COLEC11: variants seen among roughly 807,000 people sequenced by gnomAD.
The protein encoded by COLEC11 is collectin-11.
COLEC11 carries 20 observed loss-of-function variants against 27.3 expected under a neutral mutation model. The observed-to-expected ratio is 0.73, with a 90% CI of 0.51 to 1.06. The LOEUF (loss-of-function observed/expected upper bound fraction) is 1.06, where lower values mean the gene tolerates loss of function less well. Ranked by LOEUF, COLEC11 falls within the 50% of genes least tolerant of loss-of-function variation. COLEC11 has a pLI of 0.00. For missense variants in COLEC11, 310 were observed against 383.0 expected (o/e 0.81, Z 1.59); for synonymous variants, 163 against 154.7 (o/e 1.05, Z -0.40).
chr2:3,616,994 T>A lies in COLEC11; in HGVS notation c.202+3612T>A, dbSNP rs12993068. Among the ~76,000 whole-genome samples the A allele has an allele frequency of 8.1e-3, 1,238 of 152,182 alleles. 12 individuals carry two copies. The highest frequency in any genetic ancestry group is 0.058 in the Middle Eastern group (17 of 294). ...GGTCAACAGACGCGTAGGTTGTTTT[T>A]ATGTGATGGCTGTTGTGAATAATGC... On this transcript the variant is annotated intron_variant, in intron 3 of 6. Transcript: ENST00000349077.
chr2:3,621,497 CCG>C (rs1558504053), intron 3 of COLEC11, among the ~76,000 whole-genome samples: 1 of 152,082 alleles, frequency 6.6e-6, no homozygotes, highest in East Asian at 1.9e-4. Flanking sequence ...TTAAGCTACT[CCG>C]TGTCTTTTGA....
At chr2:3,604,064 T>C in intron 1 of COLEC11, 1 of 588,878 alleles carries the variant, frequency 1.7e-6, no homozygotes, top group East Asian at 2.8e-5. Flanking sequence ...GCCGTAGGCC[T>C]TCAATCAAGG....
intron 3 of COLEC11, among the ~76,000 whole-genome samples, chr2:3,637,190 G>C (rs1306645170): frequency 6.6e-6 from 1 of 152,212 alleles, no homozygotes; most frequent in African/African-American, 2.4e-5. Context: ...GCACTGCCTT[G>C]CTGGGATGGA....
chr2:3,644,186 G>T lies in COLEC11; in HGVS notation c.*68G>T. On this transcript the variant is annotated 3_prime_UTR_variant, in exon 7 of 7. Transcript: ENST00000349077. ...GCAGGGTTGGCAGGGACAGAGCCCA[G>T]ACCATGGTGCCAGCCAGGGAGCTGT... 1 of 1,587,322 alleles carries T rather than the reference G, an allele frequency of 6.3e-7. No individual in the cohort carries two copies. Among genetic ancestry groups the T allele is most frequent in the South Asian group, 1.1e-5 (1 of 90,474 alleles).
chr2:3,638,512 C>T (rs1390591847), intron 4 of COLEC11, among the ~76,000 whole-genome samples: 1 of 152,202 alleles, frequency 6.6e-6, no homozygotes, highest in Non-Finnish European at 1.5e-5. Context: ...CATTCATCTG[C>T]CTCGGAGCAG....
chr2:3,620,659 T>G (rs1288991298), intron 3 of COLEC11, among the ~76,000 whole-genome samples: 1 of 152,202 alleles, frequency 6.6e-6, no homozygotes, highest in Non-Finnish European at 1.5e-5. Context: ...AATCTTTATT[T>G]TCCCTCCATG....
intron 5 of COLEC11, chr2:3,641,134 C>A: frequency 9.9e-7 from 1 of 1,014,152 alleles, no homozygotes; most frequent in Non-Finnish European, 1.4e-6. Flanking sequence ...GTAGACCCCA[C>A]GGTGGATCCC....
chr2:3,601,712 A>G (rs1662238085), intron 1 of COLEC11, among the ~76,000 whole-genome samples: 1 of 152,186 alleles, frequency 6.6e-6, no homozygotes, highest in South Asian at 2.1e-4. Context: ...CATCTTCGGC[A>G]AGTGAAGCTC....
At chr2:3,611,098 C>T (rs984572710) in intron 2 of COLEC11, among the ~76,000 whole-genome samples, 1 of 152,208 alleles carries the variant, frequency 6.6e-6, no homozygotes, top group Admixed American at 6.5e-5. Context: ...ACTAAATCTT[C>T]GCAGCCACGA....
At chr2:3,638,538 A>G (rs1490059013) in intron 4 of COLEC11, among the ~76,000 whole-genome samples, 1 of 152,178 alleles carries the variant, frequency 6.6e-6, no homozygotes, top group Admixed American at 6.5e-5. Context: ...CCCAGGTACC[A>G]AGAGGCTACG....
chr2:3,637,901 A>G (rs573376699), intron 4 of COLEC11, among the ~76,000 whole-genome samples: 125 of 152,296 alleles, frequency 8.2e-4, no homozygotes, highest in African/African-American at 2.8e-3. Flanking sequence ...GTGTAGCCAC[A>G]ATGTCCTTAA....
chr2:3,612,006 G>A (rs114352421), intron 2 of COLEC11, among the ~76,000 whole-genome samples: 3,395 of 145,190 alleles, frequency 0.023, 33 homozygotes, highest in African/African-American at 0.078. Flanking sequence ...GGGTTGTTTT[G>A]TATATTTTAT....
At chr2:3,635,866 G>A (rs556776690) in intron 3 of COLEC11, among the ~76,000 whole-genome samples, 288 of 152,358 alleles carry the variant, frequency 1.9e-3, no homozygotes, top group Non-Finnish European at 3.4e-3. Flanking sequence ...CTGCCATGCC[G>A]GGCCATGTCA....
At chr2:3,627,045 C>T (rs1664606686) in intron 3 of COLEC11, among the ~76,000 whole-genome samples, 1 of 152,170 alleles carries the variant, frequency 6.6e-6, no homozygotes, top group Admixed American at 6.5e-5. Flanking sequence ...GGATAGCTTT[C>T]TAGCTCGTTG....
intron 2 of COLEC11, among the ~76,000 whole-genome samples, chr2:3,607,228 A>T (rs1324422041): frequency 6.6e-6 from 1 of 152,058 alleles, no homozygotes. Context: ...GCCATTTCAG[A>T]TAATAATAAT....
intron 2 of COLEC11, among the ~76,000 whole-genome samples, chr2:3,611,221 T>G (rs756525103): frequency 1.3e-5 from 2 of 152,166 alleles, no homozygotes; most frequent in Non-Finnish European, 2.9e-5. Flanking sequence ...AGCCTGCATT[T>G]CTTATTAGTG....
At chr2:3,630,765 C>T (rs1664939954) in intron 3 of COLEC11, among the ~76,000 whole-genome samples, 1 of 152,260 alleles carries the variant, frequency 6.6e-6, no homozygotes. Context: ...ACATGTTATT[C>T]TTCTTTGGTC....
rs1166969886 is a variant in COLEC11, at chr2:3,602,903, G to A, written c.-26-1412G>A. ...ACTCTGCCTCACTCTTCCCCACGGC[G>A]CTTACCCCTGCCTCTGTCTGTCTCT... On this transcript the variant is annotated intron_variant, in intron 1 of 6. Coordinates refer to ENST00000349077, the MANE Select transcript of COLEC11 (RefSeq NM_024027.5). The surrounding 1 kb of genome is among the most constrained non-coding windows in gnomAD (Gnocchi z 6.2). Among the ~76,000 whole-genome samples the A allele has an allele frequency of 2.6e-5, 4 of 152,184 alleles. No homozygotes were observed. Among genetic ancestry groups the A allele is most frequent in the Admixed American group, 6.5e-5 (1 of 15,268 alleles).
Position 3,637,560 on chromosome 2 carries a change from G to C in COLEC11, c.230G>C (p.Gly77Ala). 7 of 1,614,166 alleles carry C rather than the reference G, an allele frequency of 4.3e-6. No individual in the cohort carries two copies. The highest frequency in any genetic ancestry group is 5.9e-6 in the Non-Finnish European group (7 of 1,180,028). The change falls in exon 4 of 7, where the codon GGC becomes GCC. Residue 77 changes from glycine to alanine, a missense_variant. Physicochemically the swap from Gly to Ala is moderately conservative, Grantham distance 60. Transcript: ENST00000349077. ...GACATGGGGGACAAAGGACAGAAAG[G>C]CAGTGTGGGTCGTCATGGAAAAATT... Reference protein sequence around the residue: ...KGDMGDKGQKGSVGRHGKIGP... With the variant: ...KGDMGDKGQKASVGRHGKIGP...
Sources: gnomAD v4.1 joint callset for allele counts (sites outside exome capture counted in the v4.1 genomes callset) on GRCh38, gnomAD v4.1.1 for gene constraint, Gnocchi (gnomAD v3.1) non-coding constraint, MANE v1.5 for transcripts, NCBI Gene and HGNC (gene_info 2026-07-23, HGNC 2026-07-21) for gene names.